SOX5: variants seen among roughly 807,000 people sequenced by gnomAD.
SOX5 encodes transcription factor SOX-5.
In SOX5, 9 loss-of-function variants were observed where a neutral mutation model predicts 92.0. The observed-to-expected ratio is 0.10, with a 90% CI of 0.06 to 0.17. The LOEUF is 0.17. Among genes scored for constraint, SOX5 ranks in the 10% least tolerant of loss-of-function variants. SOX5 has a pLI of 1.00. For missense variants in SOX5, 642 were observed against 944.5 expected (o/e 0.68, Z 4.20); for synonymous variants, 344 against 336.3 (o/e 1.02, Z -0.25).
intron 4 of SOX5, among the ~76,000 whole-genome samples, chr12:23,755,264 TTCTTA>T (rs1170050452): frequency 2.6e-5 from 4 of 151,840 alleles, no homozygotes; most frequent in African/African-American, 9.7e-5. Flanking sequence ...ACACCCATAT[TTCTTA>T]TATGTACAAT....
At chr12:23,940,745 TACAC>T (rs36124621) in intron 1 of SOX5, among the ~76,000 whole-genome samples, 13,692 of 139,658 alleles carry the variant, frequency 0.098, 861 homozygotes, top group East Asian at 0.31. Context: ...AGATAAGTAT[TACAC>T]ACACACACAC....
intron 4 of SOX5, among the ~76,000 whole-genome samples, chr12:23,996,517 A>G (rs1004390837): frequency 2.0e-5 from 3 of 152,228 alleles, no homozygotes; most frequent in Non-Finnish European, 4.4e-5. Flanking sequence ...AAGTGTTCAA[A>G]GCAGCACTAT....
At chr12:23,805,300 T>C (rs1011134054) in intron 3 of SOX5, among the ~76,000 whole-genome samples, 1 of 151,956 alleles carries the variant, frequency 6.6e-6, no homozygotes, top group African/African-American at 2.4e-5. Flanking sequence ...TTTCTATCTA[T>C]AGTGGTATAT....
At chr12:23,695,546 A>G (rs1227401181) in intron 6 of SOX5, among the ~76,000 whole-genome samples, 2 of 152,316 alleles carry the variant, frequency 1.3e-5, no homozygotes, top group African/African-American at 2.4e-5. Context: ...TTCTATTAGG[A>G]TAATGATTCT....
intron 3 of SOX5, among the ~76,000 whole-genome samples, chr12:24,214,302 A>T (rs1386214848): frequency 6.6e-6 from 1 of 152,104 alleles, no homozygotes; most frequent in Non-Finnish European, 1.5e-5. Context: ...ATAAAAGCAG[A>T]ATTTAATTAT....
At chr12:23,936,939 A>AT (rs1942700304) in intron 1 of SOX5, among the ~76,000 whole-genome samples, 1 of 150,952 alleles carries the variant, frequency 6.6e-6, no homozygotes, top group Admixed American at 6.6e-5. Context: ...CAAACTTTTA[A>AT]TAATGATATG....
chr12:23,716,551 C>T lies in SOX5; in HGVS notation c.810+18133G>A, dbSNP rs191578329. On this transcript the variant is annotated intron_variant, in intron 6 of 14. Coordinates refer to ENST00000451604, the MANE Select transcript of SOX5 (RefSeq NM_006940.6). ...CTTTCTTCTTGGGGAAAAAGAAACA[C>T]CAACAAGAAATTTTTAAAAAAGCCT... Among the ~76,000 whole-genome samples, 459 of 152,208 alleles carry T rather than the reference C, an allele frequency of 3.0e-3. 2 individuals are homozygous for T. Among genetic ancestry groups the T allele is most frequent in the Non-Finnish European group, 5.2e-3 (356 of 68,006 alleles).
chr12:24,215,657 T>C (rs541109651), intron 3 of SOX5, among the ~76,000 whole-genome samples: 1 of 152,272 alleles, frequency 6.6e-6, no homozygotes, highest in African/African-American at 2.4e-5. Context: ...TTAATATTCT[T>C]AAAATGATAA....
intron 3 of SOX5, among the ~76,000 whole-genome samples, chr12:23,758,751 G>A (rs2094477754): frequency 6.6e-6 from 1 of 151,806 alleles, no homozygotes; most frequent in South Asian, 2.1e-4. Flanking sequence ...CTAATGGAAG[G>A]TATTTAGGTC....
chr12:23,934,730 T>C (rs938352932), intron 1 of SOX5, among the ~76,000 whole-genome samples: 1 of 151,308 alleles, frequency 6.6e-6, no homozygotes, highest in African/African-American at 2.4e-5. Flanking sequence ...AGAATAATCA[T>C]AACATACATT....
intron 4 of SOX5, among the ~76,000 whole-genome samples, chr12:24,011,817 T>C (rs1343217737): frequency 1.3e-5 from 2 of 152,206 alleles, no homozygotes; most frequent in Non-Finnish European, 2.9e-5. Context: ...ATGACACTTA[T>C]ACTAGGAGTC....
At chr12:24,178,353 G>A (rs747089561) in intron 4 of SOX5, among the ~76,000 whole-genome samples, 3 of 151,304 alleles carry the variant, frequency 2.0e-5, no homozygotes, top group Non-Finnish European at 2.9e-5. Flanking sequence ...TTAGGAAAAG[G>A]GTAACATAGT....
At position 23,532,464 on chromosome 12, in the gene SOX5, T is replaced by G. The variant is rs953743268; in HGVS notation, c.*1755A>C. 1 of 152,264 alleles carries G rather than the reference T, an allele frequency of 6.6e-6. No homozygotes were observed. The highest frequency in any genetic ancestry group is 6.5e-5 in the Admixed American group (1 of 15,286). 9.4% of individuals were successfully genotyped at this position (152,264 alleles called of 1,614,324 possible). ...TTCAATACAAATAATGGCAATTGAC[T>G]TGAAATGATTTTGCATTTATTTGTA... On this transcript the variant is annotated 3_prime_UTR_variant, in exon 15 of 15. Transcript: ENST00000451604.
intron 2 of SOX5, among the ~76,000 whole-genome samples, chr12:23,879,562 G>T (rs1003508294): frequency 3.3e-5 from 5 of 152,092 alleles, no homozygotes; most frequent in Admixed American, 3.3e-4. Context: ...AAGCAGCATG[G>T]TACCAGGGCA....
At chr12:23,729,563 G>T (rs2093311165) in intron 6 of SOX5, among the ~76,000 whole-genome samples, 1 of 152,082 alleles carries the variant, frequency 6.6e-6, no homozygotes, top group South Asian at 2.1e-4. Flanking sequence ...GACTAGTCCT[G>T]CACATGCTTA....
In SOX5 at chr12:23,977,205, C is replaced by T. The variant is rs114547883; in HGVS notation, c.-1-81181G>A. 8.4e-3 allele frequency among the ~76,000 whole-genome samples: 1,272 copies of T among 152,136 alleles called. 25 individuals carry two copies. Among genetic ancestry groups the T allele is most frequent in the African/African-American group, 0.029 (1,207 of 41,504 alleles). ...TCTTTCAATATTTCATTGAAGCCAT[C>T]GCCACAATACAGGAGAAGTTTCAGA... On this transcript the variant is annotated intron_variant, in intron 4 of 4. Coordinates refer to the SOX5 transcript ENST00000446891.
chr12:24,492,503 T>C (rs568116502), intron 1 of SOX5, among the ~76,000 whole-genome samples: 237 of 152,236 alleles, frequency 1.6e-3, no homozygotes, highest in African/African-American at 5.2e-3. Context: ...TAAGGCACAA[T>C]ACCAATAATG....
chr12:24,265,163 C>T (rs1031097469), intron 3 of SOX5, among the ~76,000 whole-genome samples: 1 of 152,090 alleles, frequency 6.6e-6, no homozygotes, highest in Non-Finnish European at 1.5e-5. Context: ...ACAATTTGTT[C>T]CTCTAGATTT....
At chr12:24,450,485 T>G (rs556018988) in intron 1 of SOX5, among the ~76,000 whole-genome samples, 179 of 150,838 alleles carry the variant, frequency 1.2e-3, no homozygotes, top group African/African-American at 3.5e-3. Context: ...TTTATTTATT[T>G]ATTTATTTAT....
Sources: allele counts gnomAD v4.1 joint callset (sites outside exome capture counted in the v4.1 genomes callset), GRCh38; gene constraint gnomAD v4.1.1; transcripts MANE v1.5; gene names NCBI Gene and HGNC (gene_info 2026-07-23, HGNC 2026-07-21).